The following SERPINB8 variants were observed in gnomAD, a reference collection of about 807,000 sequenced individuals.
SERPINB8 encodes serpin B8.
In SERPINB8, 25 loss-of-function variants were observed where a neutral mutation model predicts 35.3. The ratio of observed to expected loss-of-function variants is 0.71; its 90% CI spans 0.52 to 0.99. The LOEUF is 0.99. SERPINB8 is among the 50% of genes least tolerant of loss of function. The pLI, the probability that SERPINB8 is intolerant of heterozygous loss-of-function variation, is 0.00. For synonymous variants in SERPINB8, 186 were observed against 160.8 expected (o/e 1.16, Z -1.19); for missense variants, 484 against 446.5 (o/e 1.08, Z -0.76).
At chr18:64,011,231 T>A (rs1041248178) in intron 7 of SERPINB8, among the ~76,000 whole-genome samples, 2 of 151,936 alleles carry the variant, frequency 1.3e-5, no homozygotes, top group African/African-American at 4.8e-5. Context: ...TGACAAGAAA[T>A]ATAAATGTGA....
chr18:63,987,177 A>G lies in SERPINB8; in HGVS notation c.1024A>G (p.Arg342Gly). 6.2e-7 allele frequency: 1 copy of G among 1,614,218 alleles called. No individual in the cohort carries two copies. The change falls in exon 7 of 7, where the codon AGA becomes GGA. Residue 342 changes from arginine to glycine, a missense_variant. Transcript: ENST00000397985. ...TGTGGTCAGGAATTCCCGGTGCAGC[A>G]GAATGGAGCCAAGATTCTGTGCAGA... Reference protein sequence around the residue: ...TAVVRNSRCSRMEPRFCADHP... With the variant: ...TAVVRNSRCSGMEPRFCADHP...
At chr18:64,006,796 A>G (rs1415249925), downstream of SERPINB8, among the ~76,000 whole-genome samples, 1 of 152,226 alleles carries the variant, frequency 6.6e-6, no homozygotes, top group East Asian at 1.9e-4. Context: ...TAATTCAATG[A>G]CAAAATAAAG....
In SERPINB8 at chr18:63,981,837, A is replaced by G. The variant is rs1385686661; in HGVS notation, c.423A>G (p.Glu141=). The change falls in exon 4 of 7, where the codon GAA becomes GAG. Residue 141 remains glutamate (E), a splice_region_variant and synonymous_variant. Transcript: ENST00000397985. ...HINDWVAEKT[E]GKISEVLDAG... Reference sequence around the variant, plus strand: ...ATGACTGGGTGGCAGAGAAGACTGAAGGTGAGACAGTTTCATTTCTGTTGA... The same window carrying G: ...ATGACTGGGTGGCAGAGAAGACTGAGGGTGAGACAGTTTCATTTCTGTTGA... The G allele has an allele frequency of 2.5e-6, 4 of 1,590,800 alleles. No individual in the cohort carries two copies. The Admixed American group carries it at 5.1e-5, about 20-fold the overall frequency.
chr18:63,999,321 A>G (rs1295315884), intron 1 of SERPINB8, among the ~76,000 whole-genome samples: 5 of 152,196 alleles, frequency 3.3e-5, no homozygotes, highest in Non-Finnish European at 7.3e-5. Flanking sequence ...TTCTTCAACT[A>G]TGGAGCTTTC....
exon 2 of SERPINB8, chr18:64,005,346 A>G (rs1165244995): frequency 1.3e-5 from 2 of 152,444 alleles, no homozygotes; most frequent in East Asian, 3.8e-4. Flanking sequence ...AAAGTTAAGC[A>G]TGTCCTATAA....
At chr18:63,977,934 C>T (rs749315715) in intron 1 of SERPINB8, among the ~76,000 whole-genome samples, 1 of 152,146 alleles carries the variant, frequency 6.6e-6, no homozygotes, top group Non-Finnish European at 1.5e-5. Context: ...TCTGGCTTCT[C>T]GAGGAGGTTG....
chr18:63,990,530 C>G (rs1018506261), downstream of SERPINB8, among the ~76,000 whole-genome samples: 1 of 150,524 alleles, frequency 6.6e-6, no homozygotes. Flanking sequence ...TATTTTTTTA[C>G]TATACTTTAA....
intron 6 of SERPINB8, chr18:63,986,406 C>T: frequency 1.3e-6 from 2 of 1,520,754 alleles, no homozygotes; most frequent in African/African-American, 1.4e-5. Context: ...AAACACAATT[C>T]CCTCTCTTTT....
At chr18:63,994,477 G>A (rs2050839230) in intron 1 of SERPINB8, among the ~76,000 whole-genome samples, 3 of 152,154 alleles carry the variant, frequency 2.0e-5, no homozygotes, top group Admixed American at 2.0e-4. Context: ...GAGTCTGAGG[G>A]TACCGCAGAA....
chr18:64,002,970 G>T (rs558879291), intron 1 of SERPINB8, among the ~76,000 whole-genome samples: 1 of 152,200 alleles, frequency 6.6e-6, no homozygotes, highest in African/African-American at 2.4e-5. Flanking sequence ...GAAGCCCCCG[G>T]CACGCTCAGC....
At chr18:64,009,388 C>G (rs1396549652), downstream of SERPINB8, among the ~76,000 whole-genome samples, 1 of 152,182 alleles carries the variant, frequency 6.6e-6, no homozygotes, top group Non-Finnish European at 1.5e-5. Context: ...AACCAAGACA[C>G]TTCTAAAGAA....
At chr18:63,993,391 T>G (rs1022146474), downstream of SERPINB8, among the ~76,000 whole-genome samples, 1 of 152,244 alleles carries the variant, frequency 6.6e-6, no homozygotes, top group African/African-American at 2.4e-5. Context: ...GACTTCTAAT[T>G]GAATCTCACC....
chr18:63,973,439 G>T (rs2050526137), intron 1 of SERPINB8, among the ~76,000 whole-genome samples: 1 of 152,142 alleles, frequency 6.6e-6, no homozygotes, highest in African/African-American at 2.4e-5. Flanking sequence ...CATTCTGTAG[G>T]TTGCCTGTTT....
At position 63,988,986 on chromosome 18, in the gene SERPINB8, C is replaced by G. The variant is rs2050802020; in HGVS notation, c.*1708C>G. 1 of 152,250 alleles carries G rather than the reference C, an allele frequency of 6.6e-6. No homozygotes were observed. Among genetic ancestry groups the G allele is most frequent in the Admixed American group, 6.5e-5 (1 of 15,282 alleles). 9.4% of individuals were successfully genotyped at this position (152,250 alleles called of 1,614,324 possible). A position where few individuals can be genotyped will look rare whatever the true frequency, so the allele number is the denominator to read the frequency against. ...CAAGATAATGAACCTATCTATCATA[C>G]TCCCAAATTCCTTCTTGCATCTTTG... On this transcript the variant is annotated 3_prime_UTR_variant, in exon 7 of 7. Transcript: ENST00000397985.
chr18:63,994,392 C>T (rs2050838818), intron 1 of SERPINB8, among the ~76,000 whole-genome samples: 1 of 152,028 alleles, frequency 6.6e-6, no homozygotes, highest in Non-Finnish European at 1.5e-5. Flanking sequence ...CAATTAAGCA[C>T]AATGCCTTTT....
downstream of SERPINB8, among the ~76,000 whole-genome samples, chr18:64,007,095 A>C (rs180790732): frequency 9.9e-4 from 151 of 152,298 alleles, no homozygotes; most frequent in African/African-American, 3.3e-3. Flanking sequence ...GCAATGAAAA[A>C]AATACAAGAT....
At chr18:63,986,707 A>G (rs954438854) in intron 6 of SERPINB8, 167 bp from the exon 7 acceptor site, 3 of 1,409,502 alleles carry the variant, frequency 2.1e-6, no homozygotes, top group Non-Finnish European at 2.8e-6. Context: ...AAAGATGAAA[A>G]TTTGGGAGAA....
chr18:63,971,950 A>T (rs373541140), intron 1 of SERPINB8, among the ~76,000 whole-genome samples: 1 of 151,260 alleles, frequency 6.6e-6, no homozygotes. Flanking sequence ...TATTATTTGC[A>T]TCCCCCATTT....
chr18:64,004,045 TGGTATTGCTTTCCTAGTG>T (rs1448937394), intron 1 of SERPINB8, among the ~76,000 whole-genome samples: 1 of 152,252 alleles, frequency 6.6e-6, no homozygotes, highest in Admixed American at 6.5e-5. Flanking sequence ...CACTCTGACA[TGGTATTGCTTTCCTAGTG>T]GGTATTGATT....
Sources: allele counts gnomAD v4.1 joint callset (sites outside exome capture counted in the v4.1 genomes callset), GRCh38; gene constraint gnomAD v4.1.1; transcripts MANE v1.5; gene names NCBI Gene and HGNC (gene_info 2026-07-23, HGNC 2026-07-21).